The following HKDC1 variants were observed in gnomAD, a reference collection of about 807,000 sequenced individuals.
The protein encoded by HKDC1 is hexokinase domain containing 1.
A neutral mutation model predicts 96.6 loss-of-function variants in HKDC1; 66 were observed. The ratio of observed to expected loss-of-function variants is 0.68; its 90% CI spans 0.56 to 0.84. HKDC1 has a LOEUF of 0.84. Ranked by LOEUF, HKDC1 falls within the 40% of genes least tolerant of loss-of-function variation. The probability of loss-of-function intolerance (pLI) is 0.00; values close to 1 mark genes in which losing one functional copy is unlikely to be tolerated. For synonymous variants in HKDC1, 466 were observed against 473.1 expected (o/e 0.98, Z 0.20); for missense variants, 1,211 against 1,208.1 (o/e 1.00, Z -0.04).
chr10:69,235,624 G>T (rs1843349325), intron 4 of HKDC1, among the ~76,000 whole-genome samples: 1 of 152,138 alleles, frequency 6.6e-6, no homozygotes, highest in Non-Finnish European at 1.5e-5. Context: ...TGTGCCAGCT[G>T]CTCTTATTAG....
At position 69,246,185 on chromosome 10, in the gene HKDC1, C is replaced by T. The variant is rs1843538769; in HGVS notation, c.982C>T (p.Leu328Phe). 5.0e-6 allele frequency: 8 copies of T among 1,614,240 alleles called. No homozygotes were observed. In the South Asian group the frequency reaches 7.7e-5, roughly 16 times the overall value. The change falls in exon 8 of 18, where the codon CTC becomes TTC. Residue 328 changes from leucine to phenylalanine, a missense_variant. By Grantham distance (22) the Leu-to-Phe change is conservative. Coordinates refer to ENST00000354624, the MANE Select transcript of HKDC1 (RefSeq NM_025130.4). Reference sequence around the variant, plus strand: ...GTTTGGTGGTGAGAAATCTTCTGCTCTCCACACTAAGGGCAAGATCGAAAC... The same window carrying T: ...GTTTGGTGGTGAGAAATCTTCTGCTTTCCACACTAAGGGCAAGATCGAAAC... ...LLFGGEKSSA[L>F]HTKGKIETRH...
rs752652378 is a variant in HKDC1, at chr10:69,266,700, G to T, written c.2697G>T (p.Gly899=). The T allele has an allele frequency of 6.2e-6, 10 of 1,614,156 alleles. 1 individual carries two copies. In the South Asian group the frequency reaches 1.1e-4, roughly 18 times the overall value. ...FMLSEDGSGK[G]AALITAVAKR... is the part of the protein sequence containing the mutation. ...TGTCAGAAGATGGCAGTGGAAAAGGGGCAGCACTGATCACTGCTGTGGCCA... is the reference window on the plus strand; with the variant it reads ...TGTCAGAAGATGGCAGTGGAAAAGGTGCAGCACTGATCACTGCTGTGGCCA... The change falls in exon 18 of 18, where the codon GGG becomes GGT. Residue 899 remains glycine, a synonymous_variant. Transcript: ENST00000354624.
intron 10 of HKDC1, among the ~76,000 whole-genome samples, chr10:69,249,381 C>A (rs2132361011): frequency 6.6e-6 from 1 of 152,348 alleles, no homozygotes; most frequent in South Asian, 2.1e-4. Context: ...AAATGGTTCC[C>A]ATTTTATGGA....
intron 8 of HKDC1, 52 bp from the exon 9 acceptor site, chr10:69,247,308 G>T: frequency 8.2e-7 from 1 of 1,215,384 alleles, no homozygotes; most frequent in Non-Finnish European, 1.2e-6. Flanking sequence ...CCCCCAGGAG[G>T]ATACCAGTGG....
intron 12 of HKDC1, among the ~76,000 whole-genome samples, chr10:69,251,973 T>G (rs527470365): frequency 6.6e-6 from 1 of 152,262 alleles, no homozygotes; most frequent in South Asian, 2.1e-4. Flanking sequence ...TTGGCCAGGC[T>G]GGTCTTGAAC....
chr10:69,232,666 A>T (rs1302835779), intron 2 of HKDC1, 98 bp from the exon 3 acceptor site: 4 of 1,133,348 alleles, frequency 3.5e-6, no homozygotes, highest in African/African-American at 1.5e-5. Context: ...AGTGGCTGTG[A>T]TTTGAAGACG....
At chr10:69,249,005 AC>A (rs200918972) in intron 10 of HKDC1, 1,176 of 289,770 alleles carry the variant, frequency 4.1e-3, no homozygotes, top group East Asian at 6.4e-3. Flanking sequence ...ACATGAGTGT[AC>A]CCCCCCCGAC....
chr10:69,232,101 C>A (rs1187412268), intron 2 of HKDC1, among the ~76,000 whole-genome samples: 1 of 152,212 alleles, frequency 6.6e-6, no homozygotes, highest in African/African-American at 2.4e-5. Flanking sequence ...TCTCGGCCTC[C>A]CAAAATGCTG....
At chr10:69,236,296 C>T (rs61868680) in intron 4 of HKDC1, among the ~76,000 whole-genome samples, 17,917 of 150,956 alleles carry the variant, frequency 0.12, 1,359 homozygotes, top group East Asian at 0.19. Context: ...TCAGTAGAGA[C>T]GGAGTTTCAC....
intron 12 of HKDC1, among the ~76,000 whole-genome samples, chr10:69,254,275 A>C (rs151020388): frequency 0.041 from 6,176 of 152,326 alleles, 180 homozygotes; most frequent in East Asian, 0.14. Context: ...ACTGCACTCC[A>C]GCCTGGGCGA....
At chr10:69,243,466 T>A in intron 7 of HKDC1, 101 bp downstream of exon 7, 1 of 943,232 alleles carries the variant, frequency 1.1e-6, no homozygotes, top group Non-Finnish European at 1.5e-6. Context: ...TGACTAGCTA[T>A]CCATCACAAC....
At chr10:69,262,165 A>G (rs950025247) in intron 16 of HKDC1, 5 of 352,462 alleles carry the variant, frequency 1.4e-5, no homozygotes, top group Non-Finnish European at 2.9e-5. Flanking sequence ...AGAAAGAGGA[A>G]CTTTCCCCTA....
intron 16 of HKDC1, among the ~76,000 whole-genome samples, chr10:69,263,088 A>G (rs1843834571): frequency 6.6e-6 from 1 of 152,092 alleles, no homozygotes; most frequent in East Asian, 1.9e-4. Flanking sequence ...TTTCTGAGAC[A>G]GGGTCTCACT....
intron 2 of HKDC1, among the ~76,000 whole-genome samples, chr10:69,231,767 T>C (rs1589404221): frequency 6.6e-6 from 1 of 152,280 alleles, no homozygotes; most frequent in East Asian, 1.9e-4. Flanking sequence ...AGTAAATGTG[T>C]GGACATAGAT....
intron 5 of HKDC1, among the ~76,000 whole-genome samples, chr10:69,239,922 A>G (rs562854798): frequency 6.6e-6 from 1 of 152,054 alleles, no homozygotes; most frequent in East Asian, 1.9e-4. Context: ...CCTGGCTCTC[A>G]TTTTACTTTA....
chr10:69,264,790 C>G (rs1843866040), intron 16 of HKDC1, among the ~76,000 whole-genome samples: 1 of 152,198 alleles, frequency 6.6e-6, no homozygotes, highest in Non-Finnish European at 1.5e-5. Context: ...CACTCTTCTT[C>G]TCTAAGTATT....
rs765024663 is a variant in HKDC1, at chr10:69,220,544, C to T, written c.63+46C>T. On this transcript the variant is annotated intron_variant, in intron 1 of 17. Coordinates refer to ENST00000354624, the MANE Select transcript of HKDC1 (RefSeq NM_025130.4). The stretch of plus-strand genomic sequence containing the variant: ...TGAGAGATGCCCAGCTCCTTCTTCA[C>T]GGACAAAACTGATTCCCTTAAAAAA... 37 of 1,346,596 alleles carry T rather than the reference C, an allele frequency of 2.7e-5. 1 individual carries two copies. The highest frequency in any genetic ancestry group is 1.5e-4 in the East Asian group (6 of 39,404). The allele number at this position is 1,346,596 out of a possible 1,614,324, so 83.4% of individuals were successfully genotyped here. A position where few individuals can be genotyped will look rare whatever the true frequency, so the allele number is the denominator to read the frequency against.
intron 13 of HKDC1, 74 bp downstream of exon 13, chr10:69,257,205 C>G (rs965302000): frequency 6.3e-5 from 93 of 1,472,682 alleles, no homozygotes; most frequent in Non-Finnish European, 7.4e-5. Context: ...CATCCTCTGC[C>G]CAGTTCCTAT....
chr10:69,226,413 G>A lies in HKDC1; in HGVS notation c.64-794G>A, dbSNP rs566269406. Among the ~76,000 whole-genome samples, 9 of 152,238 alleles carry A rather than the reference G, an allele frequency of 5.9e-5. No individual in the cohort carries two copies. In the South Asian group the frequency reaches 1.5e-3, roughly 25 times the overall value. The stretch of plus-strand genomic sequence containing the variant: ...TGTAATCCCAGCACTTTGGGAGGCC[G>A]AGGCGTGTGGATCACTTGAGGTCTG... On this transcript the variant is annotated intron_variant, in intron 1 of 17. Transcript: ENST00000354624.
Sources: allele counts gnomAD v4.1 joint callset (sites outside exome capture counted in the v4.1 genomes callset), GRCh38; gene constraint gnomAD v4.1.1; transcripts MANE v1.5; gene names NCBI Gene and HGNC (gene_info 2026-07-23, HGNC 2026-07-21).